UBR4: variants seen among roughly 807,000 people sequenced by gnomAD.
UBR4 encodes ubiquitin protein ligase E3 component n-recognin 4, also known as E3 ubiquitin-protein ligase UBR4.
Under a neutral mutation model 575.6 loss-of-function variants are expected in UBR4, and 124 were observed. That is an observed-to-expected ratio of 0.22 (90% CI 0.19 to 0.25). The LOEUF (loss-of-function observed/expected upper bound fraction) is 0.25. Ranked by LOEUF, UBR4 falls within the 10% of genes least tolerant of loss-of-function variation. The pLI, the probability that UBR4 is intolerant of heterozygous loss-of-function variation, is 1.00. For synonymous variants in UBR4, 2,455 were observed against 2,473.7 expected (o/e 0.99, Z 0.22); for missense variants, 4,818 against 6,478.8 (o/e 0.74, Z 8.80).
rs2087389017 is a variant in UBR4 at position 19,161,647 on chromosome 1, T to C, written c.5117A>G (p.Tyr1706Cys). 6.2e-7 allele frequency: 1 copy of C among 1,613,892 alleles called. No individual in the cohort carries two copies. The change falls in exon 37 of 106, where the codon TAT (tyrosine) becomes TGT (cysteine). Residue 1706 changes from tyrosine to cysteine, a missense_variant. Tyr to Cys is a radical substitution (Grantham distance 194). This residue lies in a region of UBR4 where 7 missense variants were observed against 63.2 expected (regional missense o/e 0.11). Transcript: ENST00000375254. ...KVCHKDHEISYAKYGSFFCDC... is the reference protein window; with the variant it reads ...KVCHKDHEISCAKYGSFFCDC... ...ACAGAAGAAGGATCCATACTTGGCATAGGAAATCTCATGATCCTTGTGGCA... is the reference window on the plus strand; with the variant it reads ...ACAGAAGAAGGATCCATACTTGGCACAGGAAATCTCATGATCCTTGTGGCA...
Position 19,141,634 on chromosome 1 carries a change from G to A in UBR4, c.8310+13C>T, listed in dbSNP as rs746867571. On this transcript the variant is annotated intron_variant, in intron 56 of 105. Coordinates refer to ENST00000375254, the MANE Select transcript of UBR4 (RefSeq NM_020765.3). Reference sequence around the variant, plus strand: ...AAGCTCCTCCTCCCCTTCTCCTGCTGCCAGAGACTCACCACCATCTCAAAA... The same window carrying A: ...AAGCTCCTCCTCCCCTTCTCCTGCTACCAGAGACTCACCACCATCTCAAAA... 100 of 1,613,426 alleles carry A rather than the reference G, an allele frequency of 6.2e-5. No individual in the cohort carries two copies. Among genetic ancestry groups the A allele is most frequent in the Middle Eastern group, 1.6e-4 (1 of 6,080 alleles).
At chr1:19,192,115 T>TA in intron 11 of UBR4, 73 bp downstream of exon 11, 9 of 1,539,976 alleles carry the variant, frequency 5.8e-6, no homozygotes, top group Non-Finnish European at 7.9e-6. Context: ...TATGAAGTCA[T>TA]ACTAGCTCCC....
chr1:19,177,345 T>C (rs2090375827), intron 19 of UBR4, 116 bp downstream of exon 19: 1 of 1,349,296 alleles, frequency 7.4e-7, no homozygotes, highest in Non-Finnish European at 1.0e-6. Flanking sequence ...CCCATCAACC[T>C]ACCAAAACCT....
intron 54 of UBR4, 114 bp downstream of exon 54, chr1:19,144,672 A>T (rs2084598431): frequency 7.0e-7 from 1 of 1,426,364 alleles, no homozygotes; most frequent in African/African-American, 1.4e-5. Flanking sequence ...TTGAAACTTC[A>T]TTCCCTTCAG....
At chr1:19,165,836 C>A in intron 29 of UBR4, 79 bp from the exon 30 acceptor site, 1 of 1,280,582 alleles carries the variant, frequency 7.8e-7, no homozygotes, top group Non-Finnish European at 1.1e-6. Context: ...TATTAAAATC[C>A]AAAGTTTGTC....
At chr1:19,202,820 C>G (rs2151741323) in intron 1 of UBR4, among the ~76,000 whole-genome samples, 1 of 152,252 alleles carries the variant, frequency 6.6e-6, no homozygotes, top group Admixed American at 6.5e-5. Context: ...GGTGTGGTGG[C>G]TCATGCCTGC....
Position 19,157,009 on chromosome 1 carries a change from G to T in UBR4, c.5761-84C>A. ...CAAGTAACAAAAACTCTTTCAATAG[G>T]GATAACAGGTTGCACACTTTTTTCT... On this transcript the variant is annotated intron_variant, in intron 40 of 105. Coordinates refer to ENST00000375254, the MANE Select transcript of UBR4 (RefSeq NM_020765.3). The surrounding 1 kb of genome is among the most constrained non-coding windows in gnomAD (Gnocchi z 4.4). The T allele has an allele frequency of 6.8e-7, 1 of 1,464,794 alleles. No homozygotes were observed. The highest frequency in any genetic ancestry group is 9.2e-7 in the Non-Finnish European group (1 of 1,089,044). The allele number at this position is 1,464,794 out of a possible 1,614,324, so 90.7% of individuals were successfully genotyped here. A position where few individuals can be genotyped will look rare whatever the true frequency, so the allele number is the denominator to read the frequency against.
intron 103 of UBR4, chr1:19,079,843 C>G (rs2076314323): frequency 6.6e-6 from 1 of 152,224 alleles, no homozygotes; most frequent in Non-Finnish European, 1.5e-5. Context: ...AAGCAGAAAT[C>G]CTGAGTGACC....
chr1:19,105,932 A>G, intron 83 of UBR4, 90 bp from the exon 84 acceptor site: 1 of 909,168 alleles, frequency 1.1e-6, no homozygotes. Context: ...CCACCCATCT[A>G]GGAGAGGTCT....
intron 15 of UBR4, among the ~76,000 whole-genome samples, chr1:19,184,708 T>C (rs1460732112): frequency 6.6e-6 from 1 of 152,222 alleles, no homozygotes; most frequent in Non-Finnish European, 1.5e-5. Context: ...TAATACTAGT[T>C]GAACCAACAG....
At chr1:19,199,334 G>C (rs1406526630) in intron 3 of UBR4, among the ~76,000 whole-genome samples, 1 of 152,188 alleles carries the variant, frequency 6.6e-6, no homozygotes, top group Non-Finnish European at 1.5e-5. Context: ...CTGCAGGTAT[G>C]TAAGTTTGCA....
intron 105 of UBR4, chr1:19,075,109 A>G: frequency 1.7e-6 from 1 of 594,990 alleles, no homozygotes; most frequent in South Asian, 1.9e-5. Context: ...GCACTGCTGG[A>G]AGGTGTTTTT....
At chr1:19,184,225 G>T in intron 15 of UBR4, 50 bp from the exon 16 acceptor site, 1 of 1,578,442 alleles carries the variant, frequency 6.3e-7, no homozygotes, top group Non-Finnish European at 8.6e-7. Flanking sequence ...TAAGCCCAGC[G>T]TTCCTATAAA....
chr1:19,132,433 C>T (rs773138755), intron 60 of UBR4, among the ~76,000 whole-genome samples: 3 of 151,752 alleles, frequency 2.0e-5, no homozygotes, highest in Non-Finnish European at 2.9e-5. Flanking sequence ...CAGCCTGCCT[C>T]GGCCTCCCAA....
At position 19,156,641 on chromosome 1, in the gene UBR4, T is replaced by G. The variant is rs2086497419; in HGVS notation, c.5919+126A>C. 3 of 1,415,148 alleles carry G rather than the reference T, an allele frequency of 2.1e-6. No individual in the cohort carries two copies. The East Asian group carries it at 6.9e-5, about 33-fold the overall frequency. 87.7% of individuals were successfully genotyped at this position (1,415,148 alleles called of 1,614,324 possible). A position where few individuals can be genotyped will look rare whatever the true frequency, so the allele number is the denominator to read the frequency against. ...GAGAAATTCAAAGAAAAATTCCTTT[T>G]GCATTTCAGTAGGTTTTAAATTTTA... On this transcript the variant is annotated intron_variant, in intron 41 of 105. Transcript: ENST00000375254.
chr1:19,183,992 C>G (rs1417742931), intron 16 of UBR4, 24 bp downstream of exon 16: 1 of 1,613,818 alleles, frequency 6.2e-7, no homozygotes, highest in East Asian at 2.2e-5. Flanking sequence ...AAAAATCCAT[C>G]AGGCACATAT....
chr1:19,132,235 G>T (rs1462636682), intron 60 of UBR4, among the ~76,000 whole-genome samples: 1 of 152,088 alleles, frequency 6.6e-6, no homozygotes, highest in Non-Finnish European at 1.5e-5. Context: ...AGGCTGGAGT[G>T]CAGTGGCGTG....
intron 52 of UBR4, 65 bp from the exon 53 acceptor site, chr1:19,145,998 G>A (rs1335257182): frequency 1.9e-6 from 3 of 1,612,182 alleles, no homozygotes; most frequent in South Asian, 2.2e-5. Flanking sequence ...TTGTTTTAAG[G>A]TTAACTCAGG....
chr1:19,087,108 T>C (rs958425177), intron 99 of UBR4, among the ~76,000 whole-genome samples: 3 of 152,276 alleles, frequency 2.0e-5, no homozygotes, highest in Admixed American at 6.5e-5. Flanking sequence ...CATCTTTCTT[T>C]ACTTTGTGCT....
Sources: gnomAD v4.1 joint callset for allele counts (sites outside exome capture counted in the v4.1 genomes callset) on GRCh38, gnomAD v4.1.1 for gene constraint, gnomAD v4.1.1 regional missense constraint, Gnocchi (gnomAD v3.1) non-coding constraint, MANE v1.5 for transcripts, NCBI Gene and HGNC (gene_info 2026-07-23, HGNC 2026-07-21) for gene names.